ATP8B1: variants seen among roughly 807,000 people sequenced by gnomAD.
The protein encoded by ATP8B1 is ATPase phospholipid transporting 8B1.
Under a neutral mutation model 149.9 loss-of-function variants are expected in ATP8B1, and 80 were observed. The ratio of observed to expected loss-of-function variants is 0.53; its 90% confidence interval spans 0.45 to 0.64. ATP8B1 has a LOEUF of 0.64. ATP8B1 is among the 30% of genes least tolerant of loss of function. ATP8B1 has a pLI of 0.00. For missense variants in ATP8B1, 1,247 were observed against 1,552.6 expected, an observed-to-expected ratio of 0.80 and a Z score of 3.31; for synonymous variants, 536 against 562.8, an observed-to-expected ratio of 0.95 and a Z score of 0.67.
intron 15 of ATP8B1, among the ~76,000 whole-genome samples, chr18:57,675,529 T>C (rs1029683887): frequency 2.6e-5 from 4 of 152,234 alleles, no homozygotes; most frequent in Admixed American, 6.5e-5. Flanking sequence ...AGTCACACTT[T>C]AATAACCCTT....
At chr18:57,750,944 C>T (rs1390228469) in intron 1 of ATP8B1, among the ~76,000 whole-genome samples, 1 of 152,082 alleles carries the variant, frequency 6.6e-6, no homozygotes, top group Non-Finnish European at 1.5e-5. Context: ...CATGGTGAAA[C>T]TCTGTCTCTA....
chr18:57,684,366 C>G (rs776280214), intron 14 of ATP8B1, among the ~76,000 whole-genome samples, 174 bp from the exon 15 acceptor site: 2 of 151,114 alleles, frequency 1.3e-5, no homozygotes, highest in Admixed American at 6.6e-5. Context: ...AAGCTCCCCC[C>G]CTTTTTTTTT....
rs553953105 is a variant in ATP8B1 at position 57,776,935 on chromosome 18, G to A, written c.-26+26063C>T. 2.8e-4 allele frequency among the ~76,000 whole-genome samples: 43 copies of A among 151,376 alleles called. 1 individual carries two copies. Among genetic ancestry groups the A allele is most frequent in the African/African-American group, 7.5e-4 (31 of 41,168 alleles). On this transcript the variant is annotated intron_variant, in intron 1 of 27. Coordinates refer to ENST00000648908, the MANE Select transcript of ATP8B1 (RefSeq NM_001374385.1). ...GCTTCTCTAAGTCCTACTCCAGGCC[G>A]ATCGTTATGCAATCTGTTATCTTCC...
At chr18:57,667,477 T>G (rs894462802) in intron 19 of ATP8B1, 2 of 326,990 alleles carry the variant, frequency 6.1e-6, no homozygotes, top group Non-Finnish European at 1.2e-5. Flanking sequence ...TGATTTTACC[T>G]AGTAATGATA....
In ATP8B1 at chr18:57,661,023, G is replaced by A; in HGVS notation, c.2707+151C>T. ...GGGCTTTCTGGGGGTAGGGTCACAG[G>A]CGTTGTCATGGTTAAGTGACTTTAT... On this transcript the variant is annotated intron_variant, in intron 22 of 27. Transcript: ENST00000648908. 15 of 1,058,638 alleles carry A rather than the reference G, an allele frequency of 1.4e-5. 1 individual carries two copies. The highest frequency in any genetic ancestry group is 2.8e-5 in the South Asian group (2 of 70,792). 65.6% of individuals were successfully genotyped at this position (1,058,638 alleles called of 1,614,324 possible).
intron 1 of ATP8B1, among the ~76,000 whole-genome samples, chr18:57,771,208 C>G (rs1480423233): frequency 6.6e-6 from 1 of 152,206 alleles, no homozygotes; most frequent in Admixed American, 6.5e-5. Flanking sequence ...ATGCTGATTG[C>G]AACTGATGGC....
At chr18:57,788,405 A>G (rs912787880) in intron 1 of ATP8B1, among the ~76,000 whole-genome samples, 13 of 151,848 alleles carry the variant, frequency 8.6e-5, no homozygotes, top group African/African-American at 3.1e-4. Context: ...AATACAAACA[A>G]TTAGTCGGGC....
At chr18:57,736,671 A>G (rs9675735) in intron 1 of ATP8B1, among the ~76,000 whole-genome samples, 148,778 of 148,792 alleles carry the variant, frequency 1, 74,382 homozygotes, top group Middle Eastern at 1. Context: ...GCATTGTCCA[A>G]ACTGGTCTTG....
intron 2 of ATP8B1, among the ~76,000 whole-genome samples, chr18:57,709,599 G>A (rs1913588265): frequency 6.6e-6 from 1 of 152,038 alleles, no homozygotes; most frequent in Admixed American, 6.6e-5. Context: ...GAACTTTACT[G>A]GACACTTGAA....
At chr18:57,667,936 T>C in intron 19 of ATP8B1, 1 of 468,520 alleles carries the variant, frequency 2.1e-6, no homozygotes, top group Non-Finnish European at 3.3e-6. Context: ...GCTTACAAAG[T>C]AAAGTATCAA....
At chr18:57,766,811 T>C (rs906875626) in intron 1 of ATP8B1, among the ~76,000 whole-genome samples, 2 of 152,160 alleles carry the variant, frequency 1.3e-5, no homozygotes, top group Non-Finnish European at 2.9e-5. Context: ...CCACCCAGTA[T>C]ACATACTAGG....
chr18:57,679,863 C>G (rs569294830), intron 15 of ATP8B1, among the ~76,000 whole-genome samples: 1 of 152,054 alleles, frequency 6.6e-6, no homozygotes, highest in Non-Finnish European at 1.5e-5. Context: ...TGGGGTTTCA[C>G]AATATTGGTC....
chr18:57,658,807 C>T (rs934825121), intron 22 of ATP8B1, among the ~76,000 whole-genome samples: 6 of 152,102 alleles, frequency 3.9e-5, no homozygotes, highest in Middle Eastern at 3.4e-3. Flanking sequence ...CTGGGACTAC[C>T]GGTGTGTGCC....
chr18:57,767,498 C>T (rs529902113), intron 1 of ATP8B1, among the ~76,000 whole-genome samples: 234 of 152,148 alleles, frequency 1.5e-3, no homozygotes, highest in Non-Finnish European at 1.9e-3. Flanking sequence ...GAAACAGGAA[C>T]GCTTTTGGGC....
At chr18:57,736,035 C>T (rs2079851306) in intron 1 of ATP8B1, among the ~76,000 whole-genome samples, 1 of 121,798 alleles carries the variant, frequency 8.2e-6, no homozygotes, top group Non-Finnish European at 1.6e-5. Flanking sequence ...CATGTGTTCT[C>T]ATTGTTCAGC....
rs548504278 is a variant in ATP8B1 at position 57,688,091 on chromosome 18, A to G, written c.1429+208T>C. On this transcript the variant is annotated intron_variant, in intron 13 of 27. Transcript: ENST00000648908. ...AGCCACCACGCCTGGCTGTGAGCCCACTTCTGGCCACTGTCCTCTCCCACG... is the reference window on the plus strand; with the variant it reads ...AGCCACCACGCCTGGCTGTGAGCCCGCTTCTGGCCACTGTCCTCTCCCACG... Among the ~76,000 whole-genome samples the G allele has an allele frequency of 7.2e-5, 11 of 152,100 alleles. 1 individual carries two copies. In the South Asian group the frequency reaches 2.3e-3, roughly 32 times the overall value.
At chr18:57,771,432 A>G (rs956973918) in intron 1 of ATP8B1, among the ~76,000 whole-genome samples, 3 of 151,500 alleles carry the variant, frequency 2.0e-5, no homozygotes, top group Admixed American at 2.0e-4. Flanking sequence ...TGATCCTTCA[A>G]TTCACTTACT....
chr18:57,654,082 G>A lies in ATP8B1; in HGVS notation c.2932-7C>T, dbSNP rs1055711012. ...ACCAATCCTCGTATGCAGTCTGTGA[G>A]GGGATGACAGAGGCTCCATGTCACC... On this transcript the variant is annotated splice_polypyrimidine_tract_variant and splice_region_variant and intron_variant, in intron 23 of 27. Transcript: ENST00000648908. 1.2e-6 allele frequency: 2 copies of A among 1,611,114 alleles called. No homozygotes were observed. The highest frequency in any genetic ancestry group is 1.7e-6 in the Non-Finnish European group (2 of 1,177,410).
chr18:57,700,873 C>T (rs545271286), intron 6 of ATP8B1, among the ~76,000 whole-genome samples, 166 bp downstream of exon 6: 39 of 152,260 alleles, frequency 2.6e-4, no homozygotes, highest in Admixed American at 1.6e-3. Context: ...GCCGAGATAA[C>T]GCTACTGCAC....
Sources: allele counts gnomAD v4.1 joint callset (sites outside exome capture counted in the v4.1 genomes callset), GRCh38; gene constraint gnomAD v4.1.1; transcripts MANE v1.5; gene names NCBI Gene and HGNC (gene_info 2026-07-23, HGNC 2026-07-21).